The following SASH1 variants were observed in gnomAD, a reference collection of about 807,000 sequenced individuals.
SASH1 encodes SAM and SH3 domain-containing protein 1.
In SASH1, 44 loss-of-function variants were observed where a neutral mutation model predicts 125.2. That is an observed-to-expected ratio of 0.35 (90% CI 0.28 to 0.45). The LOEUF (loss-of-function observed/expected upper bound fraction) is 0.45. Among genes scored for constraint, SASH1 ranks in the 20% least tolerant of loss-of-function variants. The pLI, the probability that SASH1 is intolerant of heterozygous loss-of-function variation, is 1.00. For missense variants in SASH1, 1,426 were observed against 1,614.5 expected (o/e 0.88, Z 2.00); for synonymous variants, 639 against 649.1 (o/e 0.98, Z 0.24).
chr6:148,431,401 G>A (rs1259569392), intron 2 of SASH1, among the ~76,000 whole-genome samples: 1 of 152,084 alleles, frequency 6.6e-6, no homozygotes, highest in Non-Finnish European at 1.5e-5. Context: ...GTTTCACCAT[G>A]TTGGCCAGGC....
intron 7 of SASH1, among the ~76,000 whole-genome samples, chr6:148,482,296 T>A (rs1164779496): frequency 6.6e-6 from 1 of 152,254 alleles, no homozygotes; most frequent in Non-Finnish European, 1.5e-5. Context: ...GAGAGATCTA[T>A]GACCGTGATT....
At chr6:148,418,587 C>T (rs570037924) in intron 2 of SASH1, among the ~76,000 whole-genome samples, 113 of 152,304 alleles carry the variant, frequency 7.4e-4, no homozygotes, top group African/African-American at 2.6e-3. Context: ...GTCTCCGCTT[C>T]CAGTCTTCTC....
chr6:148,543,974 C>T lies in SASH1; in HGVS notation c.2504C>T (p.Pro835Leu). Reference protein sequence around the residue: ...LEGPQTVDTWPRSHSLDDLQV... With the variant: ...LEGPQTVDTWLRSHSLDDLQV... ...GGCCCCCAGACTGTGGACACTTGGC[C>T]CCGATCCCATTCCCTGGATGACCTT... The change falls in exon 18 of 20, where the codon CCC (proline) becomes CTC (leucine). Residue 835 changes from proline (P) to leucine (L), a missense_variant. Around this residue, in one of 3 missense-constraint regions of SASH1, gnomAD observed 634 missense variants for 694.4 expected, o/e 0.91. Coordinates refer to ENST00000367467, the MANE Select transcript of SASH1 (RefSeq NM_015278.5). 2 of 1,614,006 alleles carry T rather than the reference C, an allele frequency of 1.2e-6. No homozygotes were observed. Among genetic ancestry groups the T allele is most frequent in the Non-Finnish European group, 1.7e-6 (2 of 1,180,018 alleles).
the SASH1 span, among the ~76,000 whole-genome samples, chr6:148,205,283 C>T: frequency 2.4e-4 from 36 of 152,316 alleles, no homozygotes; most frequent in African/African-American, 8.2e-4. Context: ...ATACCTCTGT[C>T]GTCCCAGAAC....
intron 7 of SASH1, 47 bp from the exon 8 acceptor site, chr6:148,487,556 GGTCTGGCCAGT>G: frequency 8.1e-7 from 1 of 1,235,078 alleles, no homozygotes; most frequent in Non-Finnish European, 1.2e-6. Context: ...CCCTGTAAAA[GGTCTGGCCAGT>G]GTCTGGCCAT....
chr6:148,381,078 A>G (rs1247361819), intron 1 of SASH1, among the ~76,000 whole-genome samples: 4 of 152,184 alleles, frequency 2.6e-5, no homozygotes, highest in Middle Eastern at 3.2e-3. Flanking sequence ...CAGTTTCTTC[A>G]TCATACGTGA....
intron 10 of SASH1, among the ~76,000 whole-genome samples, chr6:148,522,695 C>A (rs1038498424): frequency 1.3e-5 from 2 of 152,330 alleles, no homozygotes. Context: ...CCTCCTCATC[C>A]CAAGCATCTA....
Position 148,530,041 on chromosome 6 carries a change from G to A in SASH1, c.1429-1485G>A, listed in dbSNP as rs143747333. On this transcript the variant is annotated intron_variant, in intron 12 of 19. Coordinates refer to ENST00000367467, the MANE Select transcript of SASH1 (RefSeq NM_015278.5). ...AGGCTGGTCTCGAACTCCTGACCTC[G>A]TGAGCCACCCACCTCAGCCTCCCAG... Among the ~76,000 whole-genome samples the A allele has an allele frequency of 5.3e-3, 813 of 152,134 alleles. 6 individuals carry two copies. Among genetic ancestry groups the A allele is most frequent in the Middle Eastern group, 0.027 (8 of 294 alleles).
At position 148,487,494 on chromosome 6, in the gene SASH1, C is replaced by T. The variant is rs967942747; in HGVS notation, c.628-120C>T. 7.1e-6 allele frequency: 5 copies of T among 701,992 alleles called. No homozygotes were observed. In the Admixed American group the frequency reaches 7.5e-5, roughly 10 times the overall value. 43.5% of individuals were successfully genotyped at this position (701,992 alleles called of 1,614,324 possible). On this transcript the variant is annotated intron_variant, in intron 7 of 19. Coordinates refer to ENST00000367467, the MANE Select transcript of SASH1 (RefSeq NM_015278.5). ...GGTACCCAAAGTGATCTCTGTGCTG[C>T]GTGAGCACAAGATTATGAACCAGGA...
At chr6:148,260,551 A>T in the SASH1 span, among the ~76,000 whole-genome samples, 1 of 151,748 alleles carries the variant, frequency 6.6e-6, no homozygotes, top group Non-Finnish European at 1.5e-5. Context: ...GACTGCAATA[A>T]GCTATGATCA....
At chr6:148,226,584 C>T in the SASH1 span, among the ~76,000 whole-genome samples, 32 of 152,266 alleles carry the variant, frequency 2.1e-4, no homozygotes, top group African/African-American at 7.0e-4. Flanking sequence ...GGGGCACCTC[C>T]GGGGTTGGAC....
At chr6:148,215,299 A>G in the SASH1 span, among the ~76,000 whole-genome samples, 1 of 152,252 alleles carries the variant, frequency 6.6e-6, no homozygotes, top group Non-Finnish European at 1.5e-5. Flanking sequence ...GGAAACCAGT[A>G]GGAAACCCAA....
chr6:148,224,732 A>T, the SASH1 span, among the ~76,000 whole-genome samples: 1 of 152,190 alleles, frequency 6.6e-6, no homozygotes, highest in Non-Finnish European at 1.5e-5. Context: ...GCCCCATAGT[A>T]ATATTGGGAA....
At chr6:148,400,829 A>G (rs760746667) in intron 2 of SASH1, among the ~76,000 whole-genome samples, 1 of 152,178 alleles carries the variant, frequency 6.6e-6, no homozygotes, top group Non-Finnish European at 1.5e-5. Flanking sequence ...GCTCCCTCTC[A>G]TTAGAAGACC....
At chr6:148,393,219 T>A (rs1197509275) in intron 2 of SASH1, among the ~76,000 whole-genome samples, 1 of 90,262 alleles carries the variant, frequency 1.1e-5, no homozygotes, top group Non-Finnish European at 2.2e-5. Context: ...GCTAATTTTG[T>A]ATTTTTTTTT....
chr6:148,227,295 T>C, the SASH1 span, among the ~76,000 whole-genome samples: 1 of 152,318 alleles, frequency 6.6e-6, no homozygotes, highest in African/African-American at 2.4e-5. Flanking sequence ...TGTCCATAGC[T>C]GCATCTCCAA....
At chr6:148,275,762 C>T (rs769349622) in intron 1 of SASH1, among the ~76,000 whole-genome samples, 3 of 152,186 alleles carry the variant, frequency 2.0e-5, no homozygotes, top group Non-Finnish European at 4.4e-5. Context: ...CACTCTGTCA[C>T]CCAAGCTGGA....
intron 8 of SASH1, among the ~76,000 whole-genome samples, chr6:148,512,025 A>ATTTATTTT (rs1554267067): frequency 6.6e-6 from 1 of 151,232 alleles, no homozygotes; most frequent in Non-Finnish European, 1.5e-5. Flanking sequence ...TTATTTATTT[A>ATTTATTTT]TTTATTTTTT....
intron 2 of SASH1, among the ~76,000 whole-genome samples, chr6:148,423,111 G>T (rs533630638): frequency 3.5e-4 from 53 of 152,110 alleles, no homozygotes; most frequent in Middle Eastern, 6.8e-3. Context: ...GCTAATTTTT[G>T]TATTTTTATT....
Sources: allele counts gnomAD v4.1 joint callset (sites outside exome capture counted in the v4.1 genomes callset), GRCh38; gene constraint gnomAD v4.1.1; regional missense constraint gnomAD v4.1.1; transcripts MANE v1.5; gene names NCBI Gene and HGNC (gene_info 2026-07-23, HGNC 2026-07-21).